Variants in FOS observed in about 807,000 individuals in gnomAD.
FOS encodes the protein Fos proto-oncogene, AP-1 transcription factor subunit.
FOS carries 9 observed loss-of-function variants against 27.2 expected under a neutral mutation model. That is an observed-to-expected ratio of 0.33 (90% CI 0.20 to 0.58). The LOEUF (loss-of-function observed/expected upper bound fraction) is 0.58, where lower values mean the gene tolerates loss of function less well. Ranked by LOEUF, FOS falls within the 20% of genes least tolerant of loss-of-function variation. The probability of loss-of-function intolerance (pLI) is 0.87; values close to 1 mark genes in which losing one functional copy is unlikely to be tolerated. For synonymous variants in FOS, 213 were observed against 205.1 expected, an observed-to-expected ratio of 1.04 and a Z score of -0.33; for missense variants, 405 against 483.5, an observed-to-expected ratio of 0.84 and a Z score of 1.52.
Position 75,278,993 on chromosome 14 carries a change from C to A in FOS, c.11C>A (p.Ser4Ter), listed in dbSNP as rs1359533864. 6.2e-7 allele frequency: 1 copy of A among 1,613,622 alleles called. No individual in the cohort carries two copies. The highest frequency in any genetic ancestry group is 8.5e-7 in the Non-Finnish European group (1 of 1,179,928). ...TGCCTAACCGCCACGATGATGTTCT[C>A]GGGCTTCAACGCAGACTACGAGGCG... The part of the protein sequence containing the change: MMF[S>*]GFNADYEASS... The change falls in exon 1 of 4, where the codon TCG (serine) becomes TAG (stop). Residue 4 changes from serine to a stop codon, truncating the protein, a stop_gained. Coordinates refer to ENST00000303562, the MANE Select transcript of FOS (RefSeq NM_005252.4). LOFTEE classifies it high-confidence loss of function. This position sits in a 1 kb window ranked among gnomAD's most constrained non-coding sequence, Gnocchi z 4.1.
chr14:75,281,486 C>T lies in FOS; in HGVS notation c.*62C>T, dbSNP rs1371955229. On this transcript the variant is annotated 3_prime_UTR_variant, in exon 4 of 4. Transcript: ENST00000303562. The surrounding 1 kb of genome is among the most constrained non-coding windows in gnomAD (Gnocchi z 4.7). ...TGCCACTGCCCGAGCTGGTGCATTA[C>T]AGAGAGGAGAAACACATCTTCCCTA... 6.5e-7 allele frequency: 1 copy of T among 1,541,720 alleles called. No homozygotes were observed. Among genetic ancestry groups the T allele is most frequent in the African/African-American group, 1.4e-5 (1 of 73,680 alleles).
In FOS at chr14:75,282,178, G is replaced by C. The variant is rs1897235961; in HGVS notation, c.*754G>C. 6.6e-6 allele frequency: 1 copy of C among 152,280 alleles called. No homozygotes were observed. The highest frequency in any genetic ancestry group is 2.1e-4 in the South Asian group (1 of 4,822). The allele number at this position is 152,280 out of a possible 1,614,324, so 9.4% of individuals were successfully genotyped here. On this transcript the variant is annotated 3_prime_UTR_variant, in exon 4 of 4. Coordinates refer to ENST00000303562, the MANE Select transcript of FOS (RefSeq NM_005252.4). ...AATTTGAATGAAAAATTTAAGCATT[G>C]TTTGCTTATTGTTCCAAGACATTGT...
Position 75,281,059 on chromosome 14 carries a change from A to G in FOS, c.778A>G (p.Ser260Gly), listed in dbSNP as rs777437222. 6.2e-7 allele frequency: 1 copy of G among 1,612,732 alleles called. No individual in the cohort carries two copies. The highest frequency in any genetic ancestry group is 1.1e-5 in the South Asian group (1 of 91,088). Residue 260 changes from serine (S) to glycine (G), a missense_variant, in exon 4 of 4, where the codon AGC becomes GGC. Physicochemically the swap from Ser to Gly is moderately conservative, Grantham distance 56 (BLOSUM62 0). Coordinates refer to ENST00000303562, the MANE Select transcript of FOS (RefSeq NM_005252.4). This position sits in a 1 kb window ranked among gnomAD's most constrained non-coding sequence, Gnocchi z 4.7. ...CTCAGTGGAACCTGTCAAGAGCATC[A>G]GCAGCATGGAGCTGAAGACCGAGCC... ...KPSVEPVKSI[S>G]SMELKTEPFD...
Position 75,279,353 on chromosome 14 carries a change from C to A in FOS, c.141+230C>A. 1.7e-6 allele frequency: 1 copy of A among 600,302 alleles called. No homozygotes were observed. The highest frequency in any genetic ancestry group is 2.0e-5 in the South Asian group (1 of 50,788). The allele number at this position is 600,302 out of a possible 1,614,324, so 37.2% of individuals were successfully genotyped here. On this transcript the variant is annotated intron_variant, in intron 1 of 3. Transcript: ENST00000303562. This position sits in a 1 kb window ranked among gnomAD's most constrained non-coding sequence, Gnocchi z 5.4. ...GGGAGGCAGGTTCGTTCTGAGCAACCTCTGGTCTGCACTCCAGGACGGATC... is the reference window on the plus strand; with the variant it reads ...GGGAGGCAGGTTCGTTCTGAGCAACATCTGGTCTGCACTCCAGGACGGATC...
intron 2 of FOS, 186 bp from the exon 3 acceptor site, chr14:75,280,374 T>C: frequency 1.5e-6 from 1 of 681,796 alleles, no homozygotes; most frequent in Non-Finnish European, 2.5e-6. Flanking sequence ...TCTTCTTTGT[T>C]CTCTTGCTGA....
chr14:75,280,183 C>T (rs1766058528), intron 2 of FOS, 55 bp downstream of exon 2: 7 of 1,611,062 alleles, frequency 4.3e-6, no homozygotes, highest in Admixed American at 3.3e-5. Context: ...TGGGAAGCAG[C>T]CCCGGAGATG....
chr14:75,280,515 C>A, intron 2 of FOS, 45 bp from the exon 3 acceptor site: 1 of 1,484,872 alleles, frequency 6.7e-7, no homozygotes, highest in Non-Finnish European at 9.3e-7. Context: ...GAGGTGATGG[C>A]AGACACTTTT....
In FOS at chr14:75,281,491, A is replaced by G; in HGVS notation, c.*67A>G. The G allele has an allele frequency of 6.6e-7, 1 of 1,523,246 alleles. No individual in the cohort carries two copies. The highest frequency in any genetic ancestry group is 8.9e-7 in the Non-Finnish European group (1 of 1,127,222). The allele number at this position is 1,523,246 out of a possible 1,614,324, so 94.4% of individuals were successfully genotyped here. On this transcript the variant is annotated 3_prime_UTR_variant, in exon 4 of 4. Coordinates refer to ENST00000303562, the MANE Select transcript of FOS (RefSeq NM_005252.4). The surrounding 1 kb of genome is among the most constrained non-coding windows in gnomAD (Gnocchi z 4.7). ...CTGCCCGAGCTGGTGCATTACAGAG[A>G]GGAGAAACACATCTTCCCTAGAGGG...
Position 75,279,227 on chromosome 14 carries a change from C to A in FOS, c.141+104C>A. 6.7e-7 allele frequency: 1 copy of A among 1,488,162 alleles called. No homozygotes were observed. The highest frequency in any genetic ancestry group is 9.1e-7 in the Non-Finnish European group (1 of 1,096,808). The allele number at this position is 1,488,162 out of a possible 1,614,324, so 92.2% of individuals were successfully genotyped here. A position where few individuals can be genotyped will look rare whatever the true frequency, so the allele number is the denominator to read the frequency against. On this transcript the variant is annotated intron_variant, in intron 1 of 3. Transcript: ENST00000303562. The surrounding 1 kb of genome is among the most constrained non-coding windows in gnomAD (Gnocchi z 5.4). The stretch of plus-strand genomic sequence containing the variant: ...AGATGAGTAGGGGGCTCCCTTGTGC[C>A]TGGAGGGAGGCTGCCGTGGCCGGAG...
At position 75,280,626 on chromosome 14, in the gene FOS, T is replaced by A; in HGVS notation, c.460T>A (p.Cys154Ser). Residue 154 changes from cysteine (C) to serine (S), a missense_variant, in exon 3 of 4, where the codon TGC (cysteine) becomes AGC (serine). Coordinates refer to ENST00000303562, the MANE Select transcript of FOS (RefSeq NM_005252.4). ...AAGGAATAAGATGGCTGCAGCCAAA[T>A]GCCGCAACCGGAGGAGGGAGCTGAC... is the stretch of plus-strand genomic sequence containing the variant. ...RERNKMAAAK[C>S]RNRRRELTDT... The A allele has an allele frequency of 6.2e-7, 1 of 1,614,154 alleles. No homozygotes were observed.
rs1283209307 is a variant in FOS at position 75,281,769 on chromosome 14, G to A, written c.*345G>A. On this transcript the variant is annotated 3_prime_UTR_variant, in exon 4 of 4. Transcript: ENST00000303562. This position sits in a 1 kb window ranked among gnomAD's most constrained non-coding sequence, Gnocchi z 4.7. ...CTCATAGCATTAACTAATCTATTGGGTTCATTATTGGAATTAACCTGGTGC... is the reference window on the plus strand; with the variant it reads ...CTCATAGCATTAACTAATCTATTGGATTCATTATTGGAATTAACCTGGTGC... 1 of 282,512 alleles carries A rather than the reference G, an allele frequency of 3.5e-6. No homozygotes were observed. Among genetic ancestry groups the A allele is most frequent in the African/African-American group, 2.1e-5 (1 of 46,750 alleles). The allele number at this position is 282,512 out of a possible 1,614,324, so 17.5% of individuals were successfully genotyped here. A position where few individuals can be genotyped will look rare whatever the true frequency, so the allele number is the denominator to read the frequency against.
chr14:75,279,734 C>T lies in FOS; in HGVS notation c.142-143C>T, dbSNP rs1897204642. 2 of 986,060 alleles carry T rather than the reference C, an allele frequency of 2.0e-6. No individual in the cohort carries two copies. Among genetic ancestry groups the T allele is most frequent in the Admixed American group, 2.3e-5 (1 of 42,848 alleles). The allele number at this position is 986,060 out of a possible 1,614,324, so 61.1% of individuals were successfully genotyped here. ...CTGGGAGGAAAAGGGGGAGACCTTT[C>T]ATCCAGGATGAGGGACATTTAAGAT... On this transcript the variant is annotated intron_variant, in intron 1 of 3. Transcript: ENST00000303562. This position sits in a 1 kb window ranked among gnomAD's most constrained non-coding sequence, Gnocchi z 5.4.
Position 75,281,161 on chromosome 14 carries a change from C to T in FOS, c.880C>T (p.Leu294=). 6.2e-7 allele frequency: 1 copy of T among 1,611,330 alleles called. No individual in the cohort carries two copies. The highest frequency in any genetic ancestry group is 8.5e-7 in the Non-Finnish European group (1 of 1,180,026). The change falls in exon 4 of 4, where the codon CTA becomes TTA. Residue 294 remains leucine, a synonymous_variant. Transcript: ENST00000303562. This position sits in a 1 kb window ranked among gnomAD's most constrained non-coding sequence, Gnocchi z 4.7. ...AGCCCGCTCCGTGCCAGACATGGAC[C>T]TATCTGGGTCCTTCTATGCAGCAGA... ...ETARSVPDMD[L]SGSFYAADWE...
Position 75,278,879 on chromosome 14 carries a change from G to A in FOS, c.-104G>A. 7.1e-7 allele frequency: 1 copy of A among 1,413,360 alleles called. No homozygotes were observed. The highest frequency in any genetic ancestry group is 9.7e-7 in the Non-Finnish European group (1 of 1,035,476). The allele number at this position is 1,413,360 out of a possible 1,614,324, so 87.6% of individuals were successfully genotyped here. ...AAGCCAAGACTGAGCCGGCGGCCGC[G>A]GCGCAGCGAACGAGCAGTGACCGTG... On this transcript the variant is annotated 5_prime_UTR_variant, in exon 1 of 4. Coordinates refer to ENST00000303562, the MANE Select transcript of FOS (RefSeq NM_005252.4). The surrounding 1 kb of genome is among the most constrained non-coding windows in gnomAD (Gnocchi z 4.1).
At position 75,281,551 on chromosome 14, in the gene FOS, T is replaced by TTTCACGCACA; in HGVS notation, c.*127_*128insTTCACGCACA. Reference sequence around the variant, plus strand: ...ACCTAGGGAGGACCTTATCTGTGCGTGAAACACACCAGGCTGTGGGCCTCA... The same window carrying TTTCACGCACA: ...ACCTAGGGAGGACCTTATCTGTGCGTTTCACGCACAGAAACACACCAGGCTGTGGGCCTCA... On this transcript the variant is annotated 3_prime_UTR_variant, in exon 4 of 4. Coordinates refer to ENST00000303562, the MANE Select transcript of FOS (RefSeq NM_005252.4). This position sits in a 1 kb window ranked among gnomAD's most constrained non-coding sequence, Gnocchi z 4.7. The TTTCACGCACA allele has an allele frequency of 9.8e-7, 1 of 1,021,260 alleles. No individual in the cohort carries two copies. Among genetic ancestry groups the TTTCACGCACA allele is most frequent in the Non-Finnish European group, 1.4e-6 (1 of 714,744 alleles). The allele number at this position is 1,021,260 out of a possible 1,614,324, so 63.3% of individuals were successfully genotyped here.
chr14:75,279,494 G>C lies in FOS; in HGVS notation c.141+371G>C, dbSNP rs1161186426. ...CCCCTCCCCCGGCAGCCTGGAGCAC[G>C]GAGGAGGGATGAGGGAGGAGGGTGC... On this transcript the variant is annotated intron_variant, in intron 1 of 3. Transcript: ENST00000303562. This position sits in a 1 kb window ranked among gnomAD's most constrained non-coding sequence, Gnocchi z 5.4. 4.5e-6 allele frequency: 2 copies of C among 443,668 alleles called. No individual in the cohort carries two copies. Among genetic ancestry groups the C allele is most frequent in the African/African-American group, 4.1e-5 (2 of 49,158 alleles). 27.5% of individuals were successfully genotyped at this position (443,668 alleles called of 1,614,324 possible).
chr14:75,279,029 G>A lies in FOS; in HGVS notation c.47G>A (p.Arg16His), dbSNP rs1897195014. ...FNADYEASSS[R>H]CSSASPAGDS... ...GCAGACTACGAGGCGTCATCCTCCC[G>A]CTGCAGCAGCGCGTCCCCGGCCGGG... Residue 16 changes from arginine (R) to histidine (H), a missense_variant, in exon 1 of 4, where the codon CGC (arginine) becomes CAC (histidine). Physicochemically the swap from Arg to His is conservative, Grantham distance 29. Coordinates refer to ENST00000303562, the MANE Select transcript of FOS (RefSeq NM_005252.4). The surrounding 1 kb of genome is among the most constrained non-coding windows in gnomAD (Gnocchi z 5.4). 2 of 1,613,690 alleles carry A rather than the reference G, an allele frequency of 1.2e-6. No homozygotes were observed. Among genetic ancestry groups the A allele is most frequent in the Non-Finnish European group, 8.5e-7 (1 of 1,179,936 alleles).
chr14:75,281,544 C>A lies in FOS; in HGVS notation c.*120C>A. ...CCTGTAGACCTAGGGAGGACCTTAT[C>A]TGTGCGTGAAACACACCAGGCTGTG... On this transcript the variant is annotated 3_prime_UTR_variant, in exon 4 of 4. Transcript: ENST00000303562. This position sits in a 1 kb window ranked among gnomAD's most constrained non-coding sequence, Gnocchi z 4.7. The A allele has an allele frequency of 8.9e-7, 1 of 1,122,520 alleles. No homozygotes were observed. The highest frequency in any genetic ancestry group is 1.2e-6 in the Non-Finnish European group (1 of 803,478). The allele number at this position is 1,122,520 out of a possible 1,614,324, so 69.5% of individuals were successfully genotyped here.
In FOS at chr14:75,281,432, G is replaced by C; in HGVS notation, c.*8G>C. The C allele has an allele frequency of 6.2e-7, 1 of 1,607,664 alleles. No individual in the cohort carries two copies. ...ACGCTGCTGGCCCTGTGAGGGGGCA[G>C]GGAAGGGGAGGCAGCCGGCACCCAC... is the stretch of plus-strand genomic sequence containing the variant. On this transcript the variant is annotated 3_prime_UTR_variant, in exon 4 of 4. Transcript: ENST00000303562. This position sits in a 1 kb window ranked among gnomAD's most constrained non-coding sequence, Gnocchi z 4.7.
Sources: allele counts gnomAD v4.1 joint callset, GRCh38; gene constraint gnomAD v4.1.1; non-coding constraint Gnocchi (gnomAD v3.1); transcripts MANE v1.5; gene names NCBI Gene and HGNC (gene_info 2026-07-23, HGNC 2026-07-21).